LAMA1: variants seen among roughly 807,000 people sequenced by gnomAD.
The protein encoded by LAMA1 is laminin subunit alpha-1.
LAMA1 carries 219 observed loss-of-function variants against 348.7 expected under a neutral mutation model. The ratio of observed to expected loss-of-function variants is 0.63; its 90% CI spans 0.56 to 0.70. The LOEUF (loss-of-function observed/expected upper bound fraction) is 0.70, where lower values mean the gene tolerates loss of function less well. Ranked by LOEUF, LAMA1 falls within the 30% of genes least tolerant of loss-of-function variation. LAMA1 has a pLI of 0.00. For synonymous variants in LAMA1, 1,487 were observed against 1,491.0 expected (o/e 1.00, Z 0.06); for missense variants, 3,744 against 3,888.0 (o/e 0.96, Z 0.99).
chr18:7,035,115 G>C (rs2057988482), intron 13 of LAMA1, among the ~76,000 whole-genome samples: 1 of 152,196 alleles, frequency 6.6e-6, no homozygotes, highest in African/African-American at 2.4e-5. Flanking sequence ...GCTGGAGATG[G>C]AGGTGAAGAT....
At chr18:7,034,994 A>G (rs570984281) in intron 13 of LAMA1, among the ~76,000 whole-genome samples, 41 of 152,366 alleles carry the variant, frequency 2.7e-4, no homozygotes, top group African/African-American at 9.1e-4. Flanking sequence ...TGACACCTCT[A>G]ATCTTTAACT....
At chr18:6,976,549 T>C (rs1394802599) in intron 44 of LAMA1, among the ~76,000 whole-genome samples, 2 of 152,132 alleles carry the variant, frequency 1.3e-5, no homozygotes, top group Admixed American at 6.5e-5. Flanking sequence ...GAGTCTAAGT[T>C]TGGTATTAAC....
chr18:6,982,416 AAGG>A (rs2057715793), intron 41 of LAMA1, 78 bp downstream of exon 41: 5 of 1,121,296 alleles, frequency 4.5e-6, no homozygotes, highest in East Asian at 2.3e-5. Flanking sequence ...TGCTGCATGC[AAGG>A]AGAACATTCT....
chr18:7,044,505 T>C (rs2058033877), intron 7 of LAMA1, among the ~76,000 whole-genome samples: 1 of 152,078 alleles, frequency 6.6e-6, no homozygotes, highest in South Asian at 2.1e-4. Flanking sequence ...AATAATAGAC[T>C]ATACGGGAAG....
Position 7,013,828 on chromosome 18 carries a change from G to T in LAMA1, c.3350C>A (p.Ala1117Asp), listed in dbSNP as rs1296138168. ...GLCGCVEETGACPCKENVFGP... is the reference protein window; with the variant it reads ...GLCGCVEETGDCPCKENVFGP... ...GATGGTAAATACCTTGCAAGGGCAG[G>T]CCCCGGTTTCCTCCACACAGCCGCA... The change falls in exon 23 of 63, where the codon GCC (alanine) becomes GAC (aspartate). Residue 1117 changes from alanine (A) to aspartate (D), a missense_variant. This residue lies in a region of LAMA1 where 1,529 missense variants were observed against 1,689.4 expected (regional missense o/e 0.91). Coordinates refer to ENST00000389658, the MANE Select transcript of LAMA1 (RefSeq NM_005559.4). 4 of 1,611,296 alleles carry T rather than the reference G, an allele frequency of 2.5e-6. No individual in the cohort carries two copies. The highest frequency in any genetic ancestry group is 3.4e-6 in the Non-Finnish European group (4 of 1,178,704).
rs149841043 is a variant in LAMA1 at position 7,051,274 on chromosome 18, A to G, written c.346-338T>C. Among the ~76,000 whole-genome samples the G allele has an allele frequency of 2.0e-5, 3 of 152,326 alleles. No homozygotes were observed. The East Asian group carries it at 5.8e-4, about 29-fold the overall frequency. ...GGTAACTATGTGAAGTGATAAATAT[A>G]TTAATTATCTGGATTGTGATGATTC... On this transcript the variant is annotated intron_variant, in intron 3 of 62. Coordinates refer to ENST00000389658, the MANE Select transcript of LAMA1 (RefSeq NM_005559.4).
intron 29 of LAMA1, among the ~76,000 whole-genome samples, chr18:7,006,000 G>A (rs2057830283): frequency 6.6e-6 from 1 of 152,146 alleles, no homozygotes; most frequent in Admixed American, 6.5e-5. Flanking sequence ...GGATCTCCGA[G>A]GCTTCGGGTG....
chr18:7,117,479 C>T (rs1212439513), intron 1 of LAMA1, among the ~76,000 whole-genome samples, 181 bp downstream of exon 1: 1 of 152,102 alleles, frequency 6.6e-6, no homozygotes, highest in Non-Finnish European at 1.5e-5. Context: ...GCAGGAGCGG[C>T]GTCCCCATCC....
At chr18:7,041,414 A>G (rs1186629516) in intron 9 of LAMA1, among the ~76,000 whole-genome samples, 1 of 152,030 alleles carries the variant, frequency 6.6e-6, no homozygotes, top group African/African-American at 2.4e-5. Flanking sequence ...TCCCCTCACC[A>G]GGTGCACGTA....
intron 4 of LAMA1, 100 bp from the exon 5 acceptor site, chr18:7,049,357 T>C: frequency 9.2e-7 from 1 of 1,086,492 alleles, no homozygotes; most frequent in Non-Finnish European, 1.4e-6. Flanking sequence ...TGGAGTGCAG[T>C]GGCACAATCT....
Position 7,023,063 on chromosome 18 carries a change from G to T in LAMA1, c.2701+101C>A, listed in dbSNP as rs76433160. On this transcript the variant is annotated intron_variant, in intron 19 of 62. Coordinates refer to ENST00000389658, the MANE Select transcript of LAMA1 (RefSeq NM_005559.4). Reference sequence around the variant, plus strand: ...AATGCAAGTAACCCCTCAAGAGAGTGTGACCTCCTAGGCGGGGCCCTGTGT... The same window carrying T: ...AATGCAAGTAACCCCTCAAGAGAGTTTGACCTCCTAGGCGGGGCCCTGTGT... 6.2e-4 allele frequency: 784 copies of T among 1,271,574 alleles called. 4 individuals carry two copies. In the African/African-American group the frequency reaches 0.01, roughly 16 times the overall value. 78.8% of individuals were successfully genotyped at this position (1,271,574 alleles called of 1,614,324 possible).
chr18:6,973,754 C>T (rs1236189595), intron 46 of LAMA1, among the ~76,000 whole-genome samples: 5 of 152,160 alleles, frequency 3.3e-5, no homozygotes, highest in South Asian at 2.1e-4. Flanking sequence ...CTGCCTTACA[C>T]GTAGACTTTC....
chr18:7,115,467 T>C (rs891418128), intron 1 of LAMA1, among the ~76,000 whole-genome samples: 5 of 152,074 alleles, frequency 3.3e-5, no homozygotes, highest in East Asian at 1.9e-4. Context: ...TCAGGTCATA[T>C]ACTATGAGCT....
rs750004621 is a variant in LAMA1 at position 7,080,241 on chromosome 18, G to A, written c.232+46C>T. Reference sequence around the variant, plus strand: ...GAAGTCTCAGTCCTCATTTCACAAAGTGTACATTCCCATGGGAATTTCAGA... The same window carrying A: ...GAAGTCTCAGTCCTCATTTCACAAAATGTACATTCCCATGGGAATTTCAGA... On this transcript the variant is annotated intron_variant, in intron 2 of 62. Transcript: ENST00000389658. The A allele has an allele frequency of 3.7e-6, 6 of 1,612,586 alleles. No individual in the cohort carries two copies. The Admixed American group carries it at 5.0e-5, about 13-fold the overall frequency.
intron 14 of LAMA1, among the ~76,000 whole-genome samples, chr18:7,034,049 C>A (rs984635540): frequency 3.9e-5 from 6 of 152,166 alleles, no homozygotes; most frequent in Non-Finnish European, 8.8e-5. Context: ...CTGCATACAA[C>A]TTTTATGCTT....
At chr18:7,024,295 C>A in intron 18 of LAMA1, 85 bp downstream of exon 18, 1 of 1,021,158 alleles carries the variant, frequency 9.8e-7, no homozygotes, top group South Asian at 1.5e-5. Flanking sequence ...ACTCCAAAAC[C>A]ACACTTAACT....
In LAMA1 at chr18:6,961,843, A is replaced by T. The variant is rs2057609408; in HGVS notation, c.7453-84T>A. 1.9e-6 allele frequency: 3 copies of T among 1,578,126 alleles called. No homozygotes were observed. The African/African-American group carries it at 4.0e-5, about 21-fold the overall frequency. On this transcript the variant is annotated intron_variant, in intron 52 of 62. Transcript: ENST00000389658. ...TGGGGAGGACACTGCTGATTTCCCC[A>T]TCATCTCTTTTCTATCCCCACTGGT...
Position 6,986,252 on chromosome 18 carries a change from G to A in LAMA1, c.5264C>T (p.Ser1755Leu). 6.2e-7 allele frequency: 1 copy of A among 1,614,160 alleles called. No individual in the cohort carries two copies. Residue 1755 changes from serine to leucine, a missense_variant, in exon 37 of 63, where the codon TCA becomes TTA. Transcript: ENST00000389658. ...VLKEAASHVL[S>L]KHNNELKAAE... ...CGCCTTTAGTTCATTGTTGTGCTTTGAAAGGACGTGGCTTGCTGCTTCTTT... is the reference window on the plus strand; with the variant it reads ...CGCCTTTAGTTCATTGTTGTGCTTTAAAAGGACGTGGCTTGCTGCTTCTTT...
intron 3 of LAMA1, among the ~76,000 whole-genome samples, chr18:7,063,964 T>G (rs939460563): frequency 6.6e-6 from 1 of 152,166 alleles, no homozygotes; most frequent in Non-Finnish European, 1.5e-5. Flanking sequence ...TTAATGCCAC[T>G]GTACTGTACA....
Sources: allele counts gnomAD v4.1 joint callset (sites outside exome capture counted in the v4.1 genomes callset), GRCh38; gene constraint gnomAD v4.1.1; regional missense constraint gnomAD v4.1.1; transcripts MANE v1.5; gene names NCBI Gene and HGNC (gene_info 2026-07-23, HGNC 2026-07-21).